Variants in DNAAF5 observed in about 807,000 individuals in gnomAD.
DNAAF5 encodes HEAT repeat containing 2.
DNAAF5 carries 64 observed loss-of-function variants against 75.8 expected under a neutral mutation model. The observed-to-expected ratio is 0.84, with a 90% CI of 0.69 to 1.04. The LOEUF is 1.04. Ranked by LOEUF, DNAAF5 falls within the 50% of genes least tolerant of loss-of-function variation. DNAAF5 has a pLI of 0.00. For synonymous variants in DNAAF5, 657 were observed against 557.2 expected, an observed-to-expected ratio of 1.18 and a Z score of -2.52; for missense variants, 1,269 against 1,178.5, an observed-to-expected ratio of 1.08 and a Z score of -1.12.
chr7:768,886 C>G (rs946957196), intron 8 of DNAAF5: 4 of 500,742 alleles, frequency 8.0e-6, no homozygotes, highest in African/African-American at 3.8e-5. Context: ...GTGAAACAGT[C>G]AGAAACTGGG....
intron 4 of DNAAF5, among the ~76,000 whole-genome samples, chr7:741,758 G>T (rs1781918485): frequency 1.3e-5 from 2 of 152,190 alleles, no homozygotes; most frequent in Admixed American, 6.5e-5. Flanking sequence ...ACTGCCAGAT[G>T]GTGTCCGCCC....
intron 9 of DNAAF5, chr7:771,799 A>C (rs927982820): frequency 5.3e-5 from 8 of 152,256 alleles, no homozygotes; most frequent in Non-Finnish European, 1.0e-4. Context: ...GCCCAGGAAC[A>C]GTTAACTCTG....
intron 11 of DNAAF5, among the ~76,000 whole-genome samples, chr7:776,957 T>C: frequency 6.6e-6 from 1 of 152,164 alleles, no homozygotes; most frequent in Non-Finnish European, 1.5e-5. Context: ...TAGATTCTCA[T>C]AGGAGCACAA....
chr7:729,820 T>G lies in DNAAF5; in HGVS notation c.753T>G (p.Ala251=), dbSNP rs1245808637. ...TGGACGACGTGCTTTCCCATTTTGCTCAGCGACTGTTTGATGACGTCCCGC... is the reference window on the plus strand; with the variant it reads ...TGGACGACGTGCTTTCCCATTTTGCGCAGCGACTGTTTGATGACGTCCCGC... ...KSVDDVLSHF[A]QRLFDDVPQV... is the part of the protein sequence containing the mutation. The change falls in exon 2 of 13, where the codon GCT becomes GCG. Residue 251 remains alanine (A), a synonymous_variant. Transcript: ENST00000297440. The G allele has an allele frequency of 6.2e-7, 1 of 1,614,220 alleles. No homozygotes were observed.
chr7:747,319 C>T (rs1214611291), intron 4 of DNAAF5, among the ~76,000 whole-genome samples: 41 of 152,204 alleles, frequency 2.7e-4, no homozygotes, highest in Non-Finnish European at 5.9e-5. Context: ...GGTTGGTGTG[C>T]AGTGTTGGCA....
Position 729,696 on chromosome 7 carries a change from G to A in DNAAF5, c.629G>A (p.Gly210Glu). Reference sequence around the variant, plus strand: ...CACATGCAGTCGGAGTCTCTGATCGGGCCCCTGATGCAGACCATCTCCCAC... The same window carrying A: ...CACATGCAGTCGGAGTCTCTGATCGAGCCCCTGATGCAGACCATCTCCCAC... ...HFHMQSESLIGPLMQTISHQH... is the reference protein window; with the variant it reads ...HFHMQSESLIEPLMQTISHQH... The change falls in exon 2 of 13, where the codon GGG (glycine) becomes GAG (glutamate). Residue 210 changes from glycine to glutamate, a missense_variant. Transcript: ENST00000297440. 2 of 1,614,056 alleles carry A rather than the reference G, an allele frequency of 1.2e-6. No individual in the cohort carries two copies. Among genetic ancestry groups the A allele is most frequent in the Non-Finnish European group, 1.7e-6 (2 of 1,180,024 alleles).
chr7:753,004 G>A (rs992108416), intron 4 of DNAAF5, among the ~76,000 whole-genome samples: 1 of 152,228 alleles, frequency 6.6e-6, no homozygotes, highest in Non-Finnish European at 1.5e-5. Flanking sequence ...AAAAGCACAC[G>A]GAAATGCCAC....
intron 2 of DNAAF5, among the ~76,000 whole-genome samples, chr7:734,930 A>C (rs1781688770): frequency 6.6e-6 from 1 of 151,430 alleles, no homozygotes; most frequent in Non-Finnish European, 1.5e-5. Flanking sequence ...CTCATATTGT[A>C]GTTGCTCATA....
Position 727,254 on chromosome 7 carries a change from C to T in DNAAF5, c.534C>T (p.Pro178=), listed in dbSNP as rs543234628. 4.4e-5 allele frequency: 59 copies of T among 1,340,836 alleles called. No individual in the cohort carries two copies. Among genetic ancestry groups the T allele is most frequent in the African/African-American group, 1.2e-4 (8 of 64,948 alleles). The allele number at this position is 1,340,836 out of a possible 1,614,324, so 83.1% of individuals were successfully genotyped here. A position where few individuals can be genotyped will look rare whatever the true frequency, so the allele number is the denominator to read the frequency against. ...CGCTGCGCTGCTCCCTGCTCGACCC[C>T]TTCGCCGCCGTGCGCCGCGAGAGCT... The part of the protein sequence containing the change: ...LRALRCSLLD[P]FAAVRRESCS... Residue 178 remains proline (P), a synonymous_variant, in exon 1 of 13, where the codon CCC becomes CCT. Transcript: ENST00000297440.
intron 8 of DNAAF5, among the ~76,000 whole-genome samples, chr7:766,009 T>A (rs992581238): frequency 2.0e-5 from 3 of 152,196 alleles, no homozygotes; most frequent in Non-Finnish European, 4.4e-5. Context: ...TTGTATTTTT[T>A]GTAGACATGG....
intron 11 of DNAAF5, chr7:778,592 C>T (rs1051398809): frequency 6.6e-6 from 1 of 152,242 alleles, no homozygotes; most frequent in African/African-American, 2.4e-5. Flanking sequence ...ATAGCCAGTG[C>T]CACTCTGTGT....
At chr7:757,615 G>A (rs1164611881) in intron 6 of DNAAF5, among the ~76,000 whole-genome samples, 2 of 152,276 alleles carry the variant, frequency 1.3e-5, no homozygotes, top group Non-Finnish European at 2.9e-5. Context: ...GAGCTCAGAA[G>A]CTGGAACAGC....
chr7:748,558 C>T (rs1421601114), intron 4 of DNAAF5, among the ~76,000 whole-genome samples: 1 of 152,188 alleles, frequency 6.6e-6, no homozygotes, highest in Non-Finnish European at 1.5e-5. Flanking sequence ...AGCCAGGCCT[C>T]AGCTCCAGCT....
chr7:739,108 CACT>C (rs1781825669), intron 2 of DNAAF5, among the ~76,000 whole-genome samples: 2 of 54,362 alleles, frequency 3.7e-5, no homozygotes, highest in African/African-American at 1.1e-4. Context: ...TCTGCCCCAT[CACT>C]GTATACCTGT....
intron 2 of DNAAF5, among the ~76,000 whole-genome samples, chr7:736,089 C>G (rs1781733482): frequency 6.6e-6 from 1 of 152,072 alleles, no homozygotes; most frequent in African/African-American, 2.4e-5. Flanking sequence ...TTATTAATTT[C>G]TAGTTTCATG....
In DNAAF5 at chr7:785,687, C is replaced by G; in HGVS notation, c.*34C>G. On this transcript the variant is annotated 3_prime_UTR_variant, in exon 13 of 13. Transcript: ENST00000297440. ...GTTTCAGCCACGGCACACCCTTGTC[C>G]CCACCTGAGCCAGAGTTTGTGGCCT... is the stretch of plus-strand genomic sequence containing the variant. 6.2e-7 allele frequency: 1 copy of G among 1,603,698 alleles called. No homozygotes were observed. Among genetic ancestry groups the G allele is most frequent in the Non-Finnish European group, 8.5e-7 (1 of 1,174,642 alleles).
intron 6 of DNAAF5, among the ~76,000 whole-genome samples, chr7:757,578 T>G (rs1024345353): frequency 2.0e-5 from 3 of 152,250 alleles, no homozygotes; most frequent in African/African-American, 7.2e-5. Context: ...GACATTTGTT[T>G]AATTTTAAAT....
chr7:774,189 G>A lies in DNAAF5; in HGVS notation c.2073G>A (p.Ser691=), dbSNP rs753909945. 9 of 1,607,480 alleles carry A rather than the reference G, an allele frequency of 5.6e-6. No homozygotes were observed. Among genetic ancestry groups the A allele is most frequent in the South Asian group, 1.1e-5 (1 of 90,906 alleles). ...LWALTSSEVL[S]AEQIRDVQET... ...CGCTCACCAGCAGCGAGGTCCTGTC[G>A]GCAGAGCAGGTACGGGGCTCCCTGC... The change falls in exon 10 of 13, where the codon TCG becomes TCA. Residue 691 remains serine, a synonymous_variant. Coordinates refer to ENST00000297440, the MANE Select transcript of DNAAF5 (RefSeq NM_017802.4).
At chr7:778,906 G>A (rs115365502) in intron 11 of DNAAF5, among the ~76,000 whole-genome samples, 2,225 of 152,372 alleles carry the variant, frequency 0.015, 63 homozygotes, top group African/African-American at 0.05. Flanking sequence ...GGCACCTGCC[G>A]TGCAGGGCTG....
Sources: allele counts gnomAD v4.1 joint callset (sites outside exome capture counted in the v4.1 genomes callset), GRCh38; gene constraint gnomAD v4.1.1; transcripts MANE v1.5; gene names NCBI Gene and HGNC (gene_info 2026-07-23, HGNC 2026-07-21).